Variants in FAM133A observed in about 807,000 individuals in gnomAD.
FAM133A encodes family with sequence similarity 133 member A.
For synonymous variants in FAM133A, 65 were observed against 58.6 expected, an observed-to-expected ratio of 1.11 and a Z score of -0.50; for missense variants, 159 against 164.4, an observed-to-expected ratio of 0.97 and a Z score of 0.18.
At chrX:93,678,141 C>T (rs2147577942) in intron 2 of FAM133A, among the ~76,000 whole-genome samples, 1 of 111,583 alleles carries the variant, frequency 9.0e-6, no homozygotes, top group Non-Finnish European at 1.9e-5. Flanking sequence ...AATACCTTTT[C>T]ATGTGCTGAT....
Position 93,711,442 on chromosome X carries a change from T to G in FAM133A, c.*1276T>G, listed in dbSNP as rs1787876922. 1.6e-5 allele frequency: 2 copies of G among 123,034 alleles called. No individual in the cohort carries two copies. Among genetic ancestry groups the G allele is most frequent in the Admixed American group, 1.9e-4 (2 of 10,454 alleles). The allele number at this position is 123,034 out of a possible 1,213,427, so 10.1% of individuals were successfully genotyped here. On this transcript the variant is annotated 3_prime_UTR_variant, in exon 4 of 4. Coordinates refer to ENST00000683942, the MANE Select transcript of FAM133A (RefSeq NM_001171109.2). ...TGCCTTGTATCTGTTGCTGATTCAC[T>G]TTTACCACTAGTGTAAAAATAAGTG...
Position 93,688,206 on chromosome X carries a change from G to C in FAM133A, c.-192-10191G>C, listed in dbSNP as rs766556246. 5.5e-5 allele frequency among the ~76,000 whole-genome samples: 6 copies of C among 109,037 alleles called. No individual in the cohort carries two copies. In the South Asian group the frequency reaches 2.4e-3, roughly 43 times the overall value. The allele number at this position is 109,037 out of a possible 115,157, so 94.7% of individuals were successfully genotyped here. A position where few individuals can be genotyped will look rare whatever the true frequency, so the allele number is the denominator to read the frequency against. ...GGCAGTGGGATTGCTGGATCATATG[G>C]TAGTTCAATTTTTAGTTTTTTAAGG... is the stretch of plus-strand genomic sequence containing the variant. On this transcript the variant is annotated intron_variant, in intron 2 of 3. Transcript: ENST00000683942.
chrX:93,687,221 A>G (rs1211633786), intron 2 of FAM133A, among the ~76,000 whole-genome samples: 8 of 112,256 alleles, frequency 7.1e-5, no homozygotes, highest in Non-Finnish European at 1.5e-4. Flanking sequence ...CTACTTTTCT[A>G]AGTGAAGTAA....
intron 2 of FAM133A, among the ~76,000 whole-genome samples, chrX:93,677,969 T>A (rs1346380437): frequency 8.9e-6 from 1 of 112,077 alleles, no homozygotes; most frequent in East Asian, 2.8e-4. Context: ...ATGTTTCACT[T>A]TTTAAGAAAT....
intron 2 of FAM133A, among the ~76,000 whole-genome samples, chrX:93,691,109 C>A (rs191493011): frequency 1.2e-3 from 130 of 111,573 alleles, no homozygotes; most frequent in African/African-American, 3.3e-3. Flanking sequence ...CTCTTATGTT[C>A]TTTTAATGAT....
At chrX:93,685,632 G>C (rs1223035915) in intron 2 of FAM133A, among the ~76,000 whole-genome samples, 1 of 111,772 alleles carries the variant, frequency 8.9e-6, no homozygotes. Flanking sequence ...AAATTTCAGA[G>C]AGATAGCCAT....
intron 3 of FAM133A, among the ~76,000 whole-genome samples, chrX:93,700,586 TTATAA>T (rs1926627774): frequency 9.0e-6 from 1 of 111,711 alleles, no homozygotes; most frequent in Admixed American, 9.6e-5. Flanking sequence ...AGTATGATAA[TTATAA>T]TATAAATTTG....
intron 2 of FAM133A, among the ~76,000 whole-genome samples, chrX:93,693,915 G>C (rs1457923012): frequency 9.0e-6 from 1 of 111,521 alleles, no homozygotes; most frequent in Non-Finnish European, 1.9e-5. Context: ...CTAGATAATA[G>C]ATTATGAATA....
At position 93,709,343 on chromosome X, in the gene FAM133A, G is replaced by C. The variant is rs995815276; in HGVS notation, c.-77G>C. 7 of 1,056,687 alleles carry C rather than the reference G, an allele frequency of 6.6e-6. No homozygotes were observed. Among genetic ancestry groups the C allele is most frequent in the Non-Finnish European group, 8.5e-6 (7 of 819,230 alleles). The allele number at this position is 1,056,687 out of a possible 1,213,427, so 87.1% of individuals were successfully genotyped here. A position where few individuals can be genotyped will look rare whatever the true frequency, so the allele number is the denominator to read the frequency against. On this transcript the variant is annotated 5_prime_UTR_variant, in exon 4 of 4. Transcript: ENST00000683942. Reference sequence around the variant, plus strand: ...ATGGAGCTTGCTTGATATTTCACTAGATAAAGAATTTAAGGCGAGTATCTA... The same window carrying C: ...ATGGAGCTTGCTTGATATTTCACTACATAAAGAATTTAAGGCGAGTATCTA...
chrX:93,689,385 GT>G (rs1925748401), intron 2 of FAM133A, among the ~76,000 whole-genome samples: 1 of 111,579 alleles, frequency 9.0e-6, no homozygotes, highest in African/African-American at 3.3e-5. Context: ...TTTGGTAAAA[GT>G]AATAGTTGAT....
chrX:93,685,032 T>C (rs1223796897), intron 2 of FAM133A, among the ~76,000 whole-genome samples: 1 of 112,026 alleles, frequency 8.9e-6, no homozygotes, highest in East Asian at 2.8e-4. Flanking sequence ...CGTTGTTCTT[T>C]CCAAAAAGCA....
At chrX:93,695,423 T>G (rs994015516) in intron 2 of FAM133A, among the ~76,000 whole-genome samples, 3 of 107,377 alleles carry the variant, frequency 2.8e-5, no homozygotes, top group African/African-American at 1.0e-4. Context: ...CTGGCTAATT[T>G]TTCTAGTTTT....
intron 3 of FAM133A, among the ~76,000 whole-genome samples, chrX:93,703,936 A>G (rs1926881031): frequency 8.9e-6 from 1 of 111,945 alleles, no homozygotes; most frequent in African/African-American, 3.2e-5. Context: ...TGACAGAACT[A>G]TGCTGGAGGG....
chrX:93,683,876 G>C (rs1295796705), intron 2 of FAM133A, among the ~76,000 whole-genome samples: 1 of 110,391 alleles, frequency 9.1e-6, no homozygotes, highest in Non-Finnish European at 1.9e-5. Context: ...TGGCTGTTTT[G>C]AGTTCTTTGT....
intron 3 of FAM133A, among the ~76,000 whole-genome samples, chrX:93,698,758 G>A (rs897504352): frequency 9.0e-6 from 1 of 111,584 alleles, no homozygotes; most frequent in Non-Finnish European, 1.9e-5. Context: ...ATAGATTTTA[G>A]AGGAAATGAG....
At chrX:93,699,747 AT>A (rs199745798) in intron 3 of FAM133A, among the ~76,000 whole-genome samples, 3,413 of 111,000 alleles carry the variant, frequency 0.031, 54 homozygotes, top group Middle Eastern at 0.069. Context: ...ATGACGCTTC[AT>A]ATGCACATAC....
At chrX:93,699,942 T>G (rs1008829929) in intron 3 of FAM133A, among the ~76,000 whole-genome samples, 4 of 111,033 alleles carry the variant, frequency 3.6e-5, no homozygotes, top group African/African-American at 1.3e-4. Flanking sequence ...ATTTTAGGTG[T>G]ACAGTTTGAT....
At chrX:93,684,823 T>G (rs1465829023) in intron 2 of FAM133A, among the ~76,000 whole-genome samples, 1 of 111,842 alleles carries the variant, frequency 8.9e-6, no homozygotes, top group Non-Finnish European at 1.9e-5. Flanking sequence ...TTAAATTGGG[T>G]CATTATTTGG....
intron 2 of FAM133A, among the ~76,000 whole-genome samples, chrX:93,695,736 G>T (rs1234235089): frequency 2.0e-5 from 2 of 99,644 alleles, no homozygotes; most frequent in Non-Finnish European, 2.0e-5. Flanking sequence ...CCGCCTCCCG[G>T]GTTCATGCCA....
Sources: allele counts gnomAD v4.1 joint callset (sites outside exome capture counted in the v4.1 genomes callset), GRCh38; gene constraint gnomAD v4.1.1; transcripts MANE v1.5; gene names NCBI Gene and HGNC (gene_info 2026-07-23, HGNC 2026-07-21).